INTS6: variants seen among roughly 807,000 people sequenced by gnomAD.
INTS6 encodes the protein DEAD box protein.
Under a neutral mutation model 104.9 loss-of-function variants are expected in INTS6, and 16 were observed. The ratio of observed to expected loss-of-function variants is 0.15; its 90% CI spans 0.10 to 0.23. INTS6 has a LOEUF of 0.23. Ranked by LOEUF, INTS6 falls within the 10% of genes least tolerant of loss-of-function variation. INTS6 has a pLI of 1.00. For synonymous variants in INTS6, 324 were observed against 358.7 expected (o/e 0.90, Z 1.09); for missense variants, 584 against 1,062.8 (o/e 0.55, Z 6.26).
In INTS6 at chr13:51,361,893, G is replaced by A; in HGVS notation, c.*3859C>T. ...CTATTTCCTGAGAGAACCTAACACA[G>A]GTATTACAGTATTTTTTGACAGGAT... On this transcript the variant is annotated 3_prime_UTR_variant, in exon 18 of 18. Transcript: ENST00000311234. The A allele has an allele frequency of 1.2e-6, 2 of 1,611,492 alleles. No individual in the cohort carries two copies. The highest frequency in any genetic ancestry group is 2.2e-5 in the East Asian group (1 of 44,778).
intron 3 of INTS6, among the ~76,000 whole-genome samples, chr13:51,354,857 A>G (rs915441994): frequency 6.6e-6 from 1 of 152,178 alleles, no homozygotes; most frequent in Non-Finnish European, 1.5e-5. Flanking sequence ...AAGAGTACAG[A>G]GGTGGGGAAG....
intron 17 of INTS6, 25 bp from the exon 18 acceptor site, chr13:51,365,870 C>A: frequency 7.3e-7 from 1 of 1,372,302 alleles, no homozygotes; most frequent in Non-Finnish European, 1.0e-6. Flanking sequence ...AAATAGTACT[C>A]TCAATTACTT....
chr13:51,384,884 C>T (rs1956111786), intron 7 of INTS6: 1 of 352,364 alleles, frequency 2.8e-6, no homozygotes, highest in East Asian at 7.5e-5. Context: ...TAGACTAGTA[C>T]AAATGCTTTT....
intron 9 of INTS6, 118 bp downstream of exon 9, chr13:51,383,211 T>C (rs1956084987): frequency 1.2e-6 from 1 of 852,436 alleles, no homozygotes; most frequent in Non-Finnish European, 1.7e-6. Context: ...TGTTCAACAT[T>C]TTAGAATATT....
chr13:51,432,377 G>A (rs922718943), intron 3 of INTS6, among the ~76,000 whole-genome samples: 3 of 151,176 alleles, frequency 2.0e-5, no homozygotes, highest in African/African-American at 7.3e-5. Flanking sequence ...TACACAATGT[G>A]AATATATCTA....
At chr13:51,360,541 AC>A (rs1955556945), downstream of INTS6, among the ~76,000 whole-genome samples, 1 of 152,112 alleles carries the variant, frequency 6.6e-6, no homozygotes, top group Non-Finnish European at 1.5e-5. Flanking sequence ...TGATTAGCTT[AC>A]AAAAATCAGC....
rs1953096344 is a variant in INTS6 at position 51,452,859 on chromosome 13, C to G, written c.-334G>C. The G allele has an allele frequency of 2.5e-5, 28 of 1,137,438 alleles. No individual in the cohort carries two copies. Among genetic ancestry groups the G allele is most frequent in the Non-Finnish European group, 3.0e-5 (28 of 921,570 alleles). 70.5% of individuals were successfully genotyped at this position (1,137,438 alleles called of 1,614,324 possible). On this transcript the variant is annotated 5_prime_UTR_variant, in exon 1 of 18. Transcript: ENST00000311234. The surrounding 1 kb of genome is among the most constrained non-coding windows in gnomAD (Gnocchi z 4.2). ...CTCCCGGCCCCTGTGTGTGTCCCAG[C>G]GGGAGACGGGCCTGGCTCCCCACCC...
chr13:51,342,867 T>C, the INTS6 span, among the ~76,000 whole-genome samples: 1 of 152,236 alleles, frequency 6.6e-6, no homozygotes, highest in Non-Finnish European at 1.5e-5. Context: ...TTTTTCTTAC[T>C]ACACTCAAAT....
chr13:51,347,384 G>C, the INTS6 span: 5 of 686,876 alleles, frequency 7.3e-6, no homozygotes, highest in Non-Finnish European at 1.3e-5. Flanking sequence ...CGGAAGGAAA[G>C]ACTAAGGTGC....
chr13:51,347,966 C>G, the INTS6 span, among the ~76,000 whole-genome samples: 1 of 151,256 alleles, frequency 6.6e-6, no homozygotes, highest in Admixed American at 6.6e-5. Flanking sequence ...TCCCCCCCCC[C>G]ATACCCAGTC....
At chr13:51,335,364 G>T in the INTS6 span, among the ~76,000 whole-genome samples, 4 of 152,192 alleles carry the variant, frequency 2.6e-5, no homozygotes, top group Admixed American at 1.3e-4. Flanking sequence ...TTCAGAAGAG[G>T]AAACAGAAAA....
the INTS6 span, chr13:51,348,273 G>T: frequency 6.2e-7 from 1 of 1,610,162 alleles, no homozygotes; most frequent in Non-Finnish European, 8.5e-7. Context: ...TACCTGGGAA[G>T]TGCAGTGAGT....
chr13:51,401,096 C>T (rs527525505), intron 4 of INTS6, among the ~76,000 whole-genome samples: 1 of 152,160 alleles, frequency 6.6e-6, no homozygotes, highest in South Asian at 2.1e-4. Flanking sequence ...TTCCTATATG[C>T]CTCAACTGAA....
intron 3 of INTS6, among the ~76,000 whole-genome samples, chr13:51,433,120 GTC>G (rs1190159025): frequency 1.3e-5 from 2 of 152,148 alleles, no homozygotes; most frequent in Non-Finnish European, 2.9e-5. Flanking sequence ...TTGTAGTAGG[GTC>G]TTCTATATCA....
At chr13:51,401,969 A>T (rs770863056) in intron 4 of INTS6, among the ~76,000 whole-genome samples, 19 of 152,224 alleles carry the variant, frequency 1.2e-4, no homozygotes, top group Non-Finnish European at 2.4e-4. Context: ...AAAAAAATTT[A>T]AATTAATTTC....
chr13:51,415,820 G>A (rs906986035), intron 4 of INTS6, among the ~76,000 whole-genome samples: 19 of 152,082 alleles, frequency 1.2e-4, no homozygotes, highest in East Asian at 5.8e-4. Flanking sequence ...AGATGAACAC[G>A]GATAAAGCCA....
Position 51,450,287 on chromosome 13 carries a change from C to G in INTS6, c.339+738G>C, listed in dbSNP as rs76739073. 2.7e-3 allele frequency: 2,617 copies of G among 985,042 alleles called. 130 individuals are homozygous for G. In the East Asian group the frequency reaches 0.15, roughly 56 times the overall value. 61.0% of individuals were successfully genotyped at this position (985,042 alleles called of 1,614,324 possible). ...ATCATAAAATGTTACAATAGACCAC[C>G]TTGCATTATTCCTTAGTGAATTATT... On this transcript the variant is annotated intron_variant, in intron 3 of 17. Transcript: ENST00000311234.
chr13:51,375,351 C>CA (rs34281256), intron 13 of INTS6, among the ~76,000 whole-genome samples: 54,372 of 120,550 alleles, frequency 0.45, 11,369 homozygotes, highest in African/African-American at 0.54. Context: ...GGCTCTGACT[C>CA]AAAAAAAAAA....
chr13:51,387,026 G>A (rs1465904278), intron 7 of INTS6, among the ~76,000 whole-genome samples: 2 of 152,028 alleles, frequency 1.3e-5, no homozygotes, highest in Non-Finnish European at 2.9e-5. Flanking sequence ...AAAAATTGCA[G>A]GCAAACTATC....
Sources: gnomAD v4.1 joint callset for allele counts (sites outside exome capture counted in the v4.1 genomes callset) on GRCh38, gnomAD v4.1.1 for gene constraint, Gnocchi (gnomAD v3.1) non-coding constraint, MANE v1.5 for transcripts, NCBI Gene and HGNC (gene_info 2026-07-23, HGNC 2026-07-21) for gene names.